Variants in FXR2 observed in about 807,000 individuals in gnomAD.
The protein encoded by FXR2 is RNA-binding protein FXR2.
FXR2 carries 9 observed loss-of-function variants against 87.3 expected under a neutral mutation model. That is an observed-to-expected ratio of 0.10 (90% CI 0.06 to 0.18). The LOEUF is 0.18. Among genes scored for constraint, FXR2 ranks in the 10% least tolerant of loss-of-function variants. The pLI is 1.00. For missense variants in FXR2, 661 were observed against 893.6 expected (o/e 0.74, Z 3.32); for synonymous variants, 331 against 328.3 (o/e 1.01, Z -0.09).
chr17:7,593,703 T>C lies in FXR2; in HGVS notation c.1108-78A>G. The stretch of plus-strand genomic sequence containing the variant: ...GCTTCATGCTTCTGCACCCTGACTG[T>C]CCCTCTATATCTAACCTCTCAGGAA... On this transcript the variant is annotated intron_variant, in intron 11 of 16. Coordinates refer to ENST00000250113, the MANE Select transcript of FXR2 (RefSeq NM_004860.4). This position sits in a 1 kb window ranked among gnomAD's most constrained non-coding sequence, Gnocchi z 6.1. 1.0e-6 allele frequency: 1 copy of C among 987,404 alleles called. No homozygotes were observed. The highest frequency in any genetic ancestry group is 1.6e-6 in the Non-Finnish European group (1 of 644,744). The allele number at this position is 987,404 out of a possible 1,614,324, so 61.2% of individuals were successfully genotyped here.
intron 1 of FXR2, among the ~76,000 whole-genome samples, chr17:7,612,214 G>C (rs1361399847): frequency 1.3e-5 from 2 of 152,158 alleles, no homozygotes; most frequent in African/African-American, 4.8e-5. Context: ...ATCATATCTT[G>C]ATCTTGGACT....
Position 7,592,617 on chromosome 17 carries a change from A to T in FXR2, c.1730-18T>A, listed in dbSNP as rs1205526359. The T allele has an allele frequency of 2.5e-6, 4 of 1,613,134 alleles. No homozygotes were observed. The East Asian group carries it at 8.9e-5, about 36-fold the overall frequency. On this transcript the variant is annotated intron_variant, in intron 14 of 16. Coordinates refer to ENST00000250113, the MANE Select transcript of FXR2 (RefSeq NM_004860.4). This position sits in a 1 kb window ranked among gnomAD's most constrained non-coding sequence, Gnocchi z 4.8. ...TTCATCTTCTGTAGGGTAGGAAAAA[A>T]CCAGAGTCACACATCCAACCTCCCA... is the stretch of plus-strand genomic sequence containing the variant.
Position 7,601,530 on chromosome 17 carries a change from G to A in FXR2, c.544-5C>T, listed in dbSNP as rs2071755493. 1.9e-6 allele frequency: 3 copies of A among 1,552,074 alleles called. No homozygotes were observed. Among genetic ancestry groups the A allele is most frequent in the Non-Finnish European group, 2.7e-6 (3 of 1,124,120 alleles). ...CACAGGGGCTTCTGTGGTTGACTGGGAGGAAACCAGTGGGAAAGTCATTAA... is the reference window on the plus strand; with the variant it reads ...CACAGGGGCTTCTGTGGTTGACTGGAAGGAAACCAGTGGGAAAGTCATTAA... On this transcript the variant is annotated splice_region_variant and splice_polypyrimidine_tract_variant and intron_variant, in intron 6 of 16. Coordinates refer to ENST00000250113, the MANE Select transcript of FXR2 (RefSeq NM_004860.4).
chr17:7,600,972 G>C (rs1238082296), intron 7 of FXR2, among the ~76,000 whole-genome samples: 1 of 151,674 alleles, frequency 6.6e-6, no homozygotes, highest in Non-Finnish European at 1.5e-5. Context: ...ATGAGGCCAG[G>C]AGTTCGAGGC....
chr17:7,602,385 G>T, intron 6 of FXR2, among the ~76,000 whole-genome samples: 1 of 152,134 alleles, frequency 6.6e-6, no homozygotes, highest in Non-Finnish European at 1.5e-5. Context: ...CCAACATGGT[G>T]AAACCCTGTC....
Position 7,593,060 on chromosome 17 carries a change from C to T in FXR2, c.1452G>A (p.Pro484=), listed in dbSNP as rs370274592. Reference sequence around the variant, plus strand: ...GGGGTCCCCTACCCCGGCCCCCAGTCGGCCGCCTCCGGCTTTCTTCCCCTC... The same window carrying T: ...GGGGTCCCCTACCCCGGCCCCCAGTTGGCCGCCTCCGGCTTTCTTCCCCTC... The part of the protein sequence containing the change: ...PTRGEESRRR[P]TGGRGRGPPP... Residue 484 remains proline, a synonymous_variant, in exon 13 of 17, where the codon CCG becomes CCA. Transcript: ENST00000250113. This position sits in a 1 kb window ranked among gnomAD's most constrained non-coding sequence, Gnocchi z 6.1. The T allele has an allele frequency of 2.5e-6, 4 of 1,585,442 alleles. No homozygotes were observed. Among genetic ancestry groups the T allele is most frequent in the Non-Finnish European group, 2.6e-6 (3 of 1,168,568 alleles).
intron 7 of FXR2, among the ~76,000 whole-genome samples, chr17:7,597,625 TC>T (rs1475820791): frequency 2.0e-5 from 3 of 152,036 alleles, no homozygotes; most frequent in African/African-American, 7.3e-5. Context: ...GCCAGACTGG[TC>T]TCAAACTCCT....
At chr17:7,612,505 A>G (rs754357651) in intron 1 of FXR2, among the ~76,000 whole-genome samples, 43 of 152,192 alleles carry the variant, frequency 2.8e-4, no homozygotes, top group Non-Finnish European at 5.3e-4. Context: ...AAAAGAGATC[A>G]GCAGGGAGCT....
chr17:7,592,287 A>T lies in FXR2; in HGVS notation c.1893T>A (p.Thr631=). 1 of 1,612,984 alleles carries T rather than the reference A, an allele frequency of 6.2e-7. No homozygotes were observed. ...QSRQRPPLER[T]KPSEDSLSGQ... Reference sequence around the variant, plus strand: ...CTGAAAGAGAGTCTTCTGAGGGTTTAGTGCGTTCCAGGGGTGGCCTCTGGC... The same window carrying T: ...CTGAAAGAGAGTCTTCTGAGGGTTTTGTGCGTTCCAGGGGTGGCCTCTGGC... The change falls in exon 16 of 17, where the codon ACT becomes ACA. Residue 631 remains threonine, a synonymous_variant. Transcript: ENST00000250113. The surrounding 1 kb of genome is among the most constrained non-coding windows in gnomAD (Gnocchi z 4.8).
intron 1 of FXR2, among the ~76,000 whole-genome samples, chr17:7,609,936 A>G (rs1195068734): frequency 1.7e-5 from 2 of 115,128 alleles, no homozygotes. Context: ...ATATGTATAT[A>G]TATACATGTA....
Position 7,605,599 on chromosome 17 carries a change from C to G in FXR2, c.228+46G>C, listed in dbSNP as rs143430524. On this transcript the variant is annotated intron_variant, in intron 3 of 16. Coordinates refer to ENST00000250113, the MANE Select transcript of FXR2 (RefSeq NM_004860.4). ...AACCAACCAGAGAAAAGCCTAGAATCCTGGGGAAAAGTGACATTTAGAAAG... is the reference window on the plus strand; with the variant it reads ...AACCAACCAGAGAAAAGCCTAGAATGCTGGGGAAAAGTGACATTTAGAAAG... 1.2e-3 allele frequency: 1,209 copies of G among 982,894 alleles called. 23 individuals are homozygous for G. In the East Asian group the frequency reaches 0.023, roughly 19 times the overall value. 60.9% of individuals were successfully genotyped at this position (982,894 alleles called of 1,614,324 possible). A position where few individuals can be genotyped will look rare whatever the true frequency, so the allele number is the denominator to read the frequency against.
chr17:7,603,413 G>A (rs1002118025), intron 5 of FXR2, among the ~76,000 whole-genome samples: 2 of 151,690 alleles, frequency 1.3e-5, no homozygotes, highest in Non-Finnish European at 2.9e-5. Flanking sequence ...TGTAATCCCA[G>A]CTACTCGGGA....
At chr17:7,614,319 C>T in intron 1 of FXR2, 133 bp downstream of exon 1, 1 of 711,566 alleles carries the variant, frequency 1.4e-6, no homozygotes, top group Non-Finnish European at 2.4e-6. Context: ...GGGAAGGCTG[C>T]GGGTTGGAGC....
chr17:7,601,666 T>G (rs902237179), intron 6 of FXR2, 141 bp from the exon 7 acceptor site: 2 of 587,804 alleles, frequency 3.4e-6, no homozygotes, highest in Non-Finnish European at 6.1e-6. Flanking sequence ...CGGTGGCTCA[T>G]GCCTGCAATC....
At chr17:7,609,985 T>TACATGTATATGTATAC (rs1567753946) in intron 1 of FXR2, among the ~76,000 whole-genome samples, 1 of 106,174 alleles carries the variant, frequency 9.4e-6, no homozygotes, top group Non-Finnish European at 2.1e-5. Context: ...TATACATATA[T>TACATGTATATGTATAC]ATATACATGT....
At chr17:7,607,446 T>C (rs1382671291) in intron 1 of FXR2, among the ~76,000 whole-genome samples, 1 of 152,174 alleles carries the variant, frequency 6.6e-6, no homozygotes, top group Non-Finnish European at 1.5e-5. Context: ...CCTTTATTTT[T>C]AGACAGAGTC....
In FXR2 at chr17:7,591,620, C is replaced by A; in HGVS notation, c.*210G>T. ...TGGGGAAGGAGAGAGGCTCCCCTTA[C>A]CCTGGGGGTAGGGTGGACAAGAGGG... is the stretch of plus-strand genomic sequence containing the variant. On this transcript the variant is annotated 3_prime_UTR_variant, in exon 17 of 17. Coordinates refer to ENST00000250113, the MANE Select transcript of FXR2 (RefSeq NM_004860.4). The surrounding 1 kb of genome is among the most constrained non-coding windows in gnomAD (Gnocchi z 4.0). 5.2e-6 allele frequency: 3 copies of A among 577,378 alleles called. No homozygotes were observed. Among genetic ancestry groups the A allele is most frequent in the South Asian group, 3.9e-5 (2 of 51,112 alleles). The allele number at this position is 577,378 out of a possible 1,614,324, so 35.8% of individuals were successfully genotyped here. A position where few individuals can be genotyped will look rare whatever the true frequency, so the allele number is the denominator to read the frequency against.
rs1567753900 is a variant in FXR2, at chr17:7,609,979, CATATATATATACATGTATATGTATACAT to C, written c.82-3858_82-3831del. On this transcript the variant is annotated intron_variant, in intron 1 of 16. Transcript: ENST00000250113. ...ACATATATATACATGTATATGTATA[CATATATATATACATGTATATGTATACAT>C]ATATATATACATGTATATGTATACA... Among the ~76,000 whole-genome samples, 4 of 47,816 alleles carry C rather than the reference CATATATATATACATGTATATGTATACAT, an allele frequency of 8.4e-5. 1 individual carries two copies. The highest frequency in any genetic ancestry group is 1.9e-4 in the Non-Finnish European group (3 of 15,480). The allele number at this position is 47,816 out of a possible 152,430, so 31.4% of individuals were successfully genotyped here.
chr17:7,591,608 A>T lies in FXR2; in HGVS notation c.*222T>A. On this transcript the variant is annotated 3_prime_UTR_variant, in exon 17 of 17. Transcript: ENST00000250113. This position sits in a 1 kb window ranked among gnomAD's most constrained non-coding sequence, Gnocchi z 4.0. ...CATCCAGTCTGATGGGGAAGGAGAG[A>T]GGCTCCCCTTACCCTGGGGGTAGGG... 4 of 561,230 alleles carry T rather than the reference A, an allele frequency of 7.1e-6. No homozygotes were observed. The East Asian group carries it at 1.2e-4, about 17-fold the overall frequency. 34.8% of individuals were successfully genotyped at this position (561,230 alleles called of 1,614,324 possible).
Sources: gnomAD v4.1 joint callset for allele counts (sites outside exome capture counted in the v4.1 genomes callset) on GRCh38, gnomAD v4.1.1 for gene constraint, Gnocchi (gnomAD v3.1) non-coding constraint, MANE v1.5 for transcripts, NCBI Gene and HGNC (gene_info 2026-07-23, HGNC 2026-07-21) for gene names.